Variants in ERICH1 observed in about 807,000 individuals in gnomAD.
The protein encoded by ERICH1 is glutamate rich 1, also known as glutamate-rich protein 1.
In ERICH1, 56 loss-of-function variants were observed where a neutral mutation model predicts 39.6. The ratio of observed to expected loss-of-function variants is 1.41; its 90% confidence interval spans 1.14 to 1.77. The LOEUF is 1.77. Among genes scored for constraint, ERICH1 ranks in the 40% most tolerant of loss-of-function variants. The pLI, the probability that ERICH1 is intolerant of heterozygous loss-of-function variation, is 0.00. For missense variants in ERICH1, 826 were observed against 575.4 expected (o/e 1.44, Z -4.45); for synonymous variants, 313 against 223.6 (o/e 1.40, Z -3.57).
At chr8:656,866 C>G in intron 3 of ERICH1, 3 of 984,036 alleles carry the variant, frequency 3.0e-6, no homozygotes, top group Non-Finnish European at 3.6e-6. Context: ...GCCTAGAAAA[C>G]AAAGCAGAAA....
intron 3 of ERICH1, among the ~76,000 whole-genome samples, chr8:642,336 C>CTTTTT (rs33990765): frequency 1.7e-5 from 1 of 60,450 alleles, no homozygotes; most frequent in Non-Finnish European, 2.9e-5. Flanking sequence ...ATGGTCTGGA[C>CTTTTT]TTTTTTTTTT....
chr8:693,906 T>C (rs1448943003), intron 2 of ERICH1, among the ~76,000 whole-genome samples: 2 of 152,232 alleles, frequency 1.3e-5, no homozygotes, highest in Non-Finnish European at 2.9e-5. Flanking sequence ...TTTTGCCCGC[T>C]TTTCATGCAC....
intron 3 of ERICH1, among the ~76,000 whole-genome samples, chr8:691,343 A>C (rs1183311099): frequency 6.6e-6 from 1 of 152,260 alleles, no homozygotes; most frequent in Non-Finnish European, 1.5e-5. Context: ...GCTGTAGCTC[A>C]GTCCTGACAC....
intron 3 of ERICH1, among the ~76,000 whole-genome samples, chr8:655,968 G>C (rs766697263): frequency 4.1e-4 from 62 of 152,114 alleles, no homozygotes; most frequent in Non-Finnish European, 7.6e-4. Flanking sequence ...CCCTGCCCAG[G>C]TGGACACCAG....
intron 3 of ERICH1, among the ~76,000 whole-genome samples, chr8:681,934 C>T (rs1034975039): frequency 1.3e-5 from 2 of 152,304 alleles, no homozygotes; most frequent in South Asian, 4.1e-4. Flanking sequence ...GCCTCGGTGA[C>T]GTCTGATCGC....
intron 4 of ERICH1, among the ~76,000 whole-genome samples, chr8:669,813 C>G (rs1346077368): frequency 6.6e-6 from 1 of 152,240 alleles, no homozygotes; most frequent in Non-Finnish European, 1.5e-5. Context: ...GGCTGCTGGT[C>G]TTGTTTCTCT....
At chr8:665,995 ATTGT>A (rs918845957) in intron 5 of ERICH1, 1 of 147,420 alleles carries the variant, frequency 6.8e-6, no homozygotes, top group Admixed American at 6.8e-5. Flanking sequence ...ATGAAGCTTC[ATTGT>A]TTGTAAAATT....
chr8:720,201 G>C (rs1446200860), intron 1 of ERICH1, among the ~76,000 whole-genome samples: 1 of 152,228 alleles, frequency 6.6e-6, no homozygotes, highest in Non-Finnish European at 1.5e-5. Flanking sequence ...TGAGACCTCT[G>C]AGAGGCAAAT....
chr8:656,839 C>T (rs1256788560), intron 3 of ERICH1: 1 of 984,850 alleles, frequency 1.0e-6, no homozygotes, highest in East Asian at 1.1e-4. Flanking sequence ...CCCCGGGGAG[C>T]CCCCCAGCAT....
chr8:626,348 G>A (rs917991590), intron 3 of ERICH1: 1 of 152,122 alleles, frequency 6.6e-6, no homozygotes, highest in East Asian at 1.9e-4. Context: ...GAGTGACCGG[G>A]GGGCTTCTCT....
intron 3 of ERICH1, among the ~76,000 whole-genome samples, chr8:624,473 G>C (rs907225020): frequency 6.6e-6 from 1 of 152,238 alleles, no homozygotes; most frequent in African/African-American, 2.4e-5. Flanking sequence ...ATTGCTCACA[G>C]CACAGTCTGT....
intron 3 of ERICH1, among the ~76,000 whole-genome samples, chr8:652,818 A>T (rs1400791506): frequency 6.6e-6 from 1 of 152,230 alleles, no homozygotes; most frequent in Non-Finnish European, 1.5e-5. Flanking sequence ...TCCTAAGAAG[A>T]TAGACAAAGG....
intron 2 of ERICH1, among the ~76,000 whole-genome samples, chr8:701,469 C>G (rs1812131824): frequency 6.6e-6 from 1 of 152,238 alleles, no homozygotes; most frequent in Middle Eastern, 3.2e-3. Flanking sequence ...TGGGAGCATG[C>G]TGTACCCCAG....
intron 3 of ERICH1, among the ~76,000 whole-genome samples, chr8:677,133 G>A (rs888258931): frequency 6.6e-6 from 1 of 152,200 alleles, no homozygotes; most frequent in Non-Finnish European, 1.5e-5. Context: ...CGGGCTCTTC[G>A]CCAGCTGCGG....
chr8:717,057 C>G (rs897647789), intron 1 of ERICH1, among the ~76,000 whole-genome samples: 3 of 152,212 alleles, frequency 2.0e-5, no homozygotes, highest in Non-Finnish European at 4.4e-5. Flanking sequence ...ACCCTGAGCA[C>G]AGAGCTCAGT....
At chr8:698,221 TTC>T (rs200139651) in intron 2 of ERICH1, among the ~76,000 whole-genome samples, 9,482 of 72,126 alleles carry the variant, frequency 0.13, 530 homozygotes, top group East Asian at 0.3. Flanking sequence ...CATATTCCTT[TTC>T]TTTTTTTTTT....
chr8:619,760 G>C (rs548878495), intron 3 of ERICH1, among the ~76,000 whole-genome samples: 2 of 152,160 alleles, frequency 1.3e-5, no homozygotes, highest in Admixed American at 6.6e-5. Flanking sequence ...TCTATGGAAT[G>C]AAACTATGTT....
At chr8:636,887 G>A (rs1302411746) in intron 3 of ERICH1, among the ~76,000 whole-genome samples, 1 of 152,192 alleles carries the variant, frequency 6.6e-6, no homozygotes, top group Non-Finnish European at 1.5e-5. Context: ...TTCCCAGCCT[G>A]CACAGCCCAC....
At chr8:658,961 T>C (rs1047451848) in intron 3 of ERICH1, among the ~76,000 whole-genome samples, 22 of 152,146 alleles carry the variant, frequency 1.4e-4, no homozygotes, top group African/African-American at 4.8e-4. Context: ...TGGGACTCCA[T>C]CATCTCATCT....
Sources: allele counts gnomAD v4.1 joint callset (sites outside exome capture counted in the v4.1 genomes callset), GRCh38; gene constraint gnomAD v4.1.1; transcripts MANE v1.5; gene names NCBI Gene and HGNC (gene_info 2026-07-23, HGNC 2026-07-21).